RSPO3: variants seen among roughly 807,000 people sequenced by gnomAD.
RSPO3 encodes the protein R-spondin-3.
Under a neutral mutation model 36.5 loss-of-function variants are expected in RSPO3, and 17 were observed. The observed-to-expected ratio is 0.47, with a 90% confidence interval of 0.32 to 0.70. RSPO3 has a LOEUF of 0.70. RSPO3 is among the 30% of genes least tolerant of loss of function. RSPO3 has a pLI of 0.04. For synonymous variants in RSPO3, 108 were observed against 107.0 expected (o/e 1.01, Z -0.06); for missense variants, 294 against 322.5 (o/e 0.91, Z 0.68).
rs563364022 is a variant in RSPO3, at chr6:127,197,352, G to T, written c.*1345G>T. On this transcript the variant is annotated 3_prime_UTR_variant, in exon 5 of 5. Coordinates refer to ENST00000356698, the MANE Select transcript of RSPO3 (RefSeq NM_032784.5). The stretch of plus-strand genomic sequence containing the variant: ...TGCTTAGAAATGGGCATCATTTCTT[G>T]TATGTCAGATCCCCCTGCATCTTCA... 3.1e-5 allele frequency: 47 copies of T among 1,529,348 alleles called. No homozygotes were observed. The highest frequency in any genetic ancestry group is 3.6e-5 in the Non-Finnish European group (41 of 1,135,232). 94.7% of individuals were successfully genotyped at this position (1,529,348 alleles called of 1,614,324 possible).
At chr6:127,192,958 T>C (rs1185425455) in intron 4 of RSPO3, among the ~76,000 whole-genome samples, 1 of 152,206 alleles carries the variant, frequency 6.6e-6, no homozygotes, top group Non-Finnish European at 1.5e-5. Context: ...TGATTTTTAA[T>C]GGACTACAGC....
chr6:127,119,432 G>A (rs1368563879), intron 1 of RSPO3, 143 bp downstream of exon 1: 1 of 650,522 alleles, frequency 1.5e-6, no homozygotes, highest in South Asian at 1.9e-5. Flanking sequence ...GGGCTTTGGG[G>A]GTATGGACGG....
At chr6:127,155,211 G>A in intron 3 of RSPO3, 30 bp from the exon 4 acceptor site, 1 of 1,608,004 alleles carries the variant, frequency 6.2e-7, no homozygotes, top group Non-Finnish European at 8.5e-7. Flanking sequence ...TTGTAAGCCA[G>A]CTGAGTCTGT....
In RSPO3 at chr6:127,182,413, C is replaced by CT. The variant is rs201324380; in HGVS notation, c.635-13404dup. Among the ~76,000 whole-genome samples the CT allele has an allele frequency of 5.4e-3, 824 of 151,960 alleles. 6 individuals carry two copies. Among genetic ancestry groups the CT allele is most frequent in the African/African-American group, 0.018 (749 of 41,490 alleles). On this transcript the variant is annotated intron_variant, in intron 4 of 4. Transcript: ENST00000356698. ...TTTCAAGCTCTTTACCCCTTTAAAA[C>CT]TTTTTTCTATCTATTTCATCTGGCC...
intron 1 of RSPO3, among the ~76,000 whole-genome samples, chr6:127,129,557 C>T (rs1017305664): frequency 6.6e-6 from 1 of 152,062 alleles, no homozygotes; most frequent in Non-Finnish European, 1.5e-5. Context: ...ATTGCTCCAA[C>T]GTCAGACCTA....
intron 1 of RSPO3, 33 bp downstream of exon 1, chr6:127,119,322 TC>T (rs1773786199): frequency 6.6e-7 from 1 of 1,507,748 alleles, no homozygotes; most frequent in African/African-American, 1.4e-5. Context: ...GTTTGCTCCC[TC>T]CCGCCGCGTT....
Position 127,148,758 on chromosome 6 carries a change from A to C in RSPO3, c.208A>C (p.Met70Leu). 6.2e-7 allele frequency: 1 copy of C among 1,613,318 alleles called. No individual in the cohort carries two copies. Among genetic ancestry groups the C allele is most frequent in the Non-Finnish European group, 8.5e-7 (1 of 1,179,418 alleles). Residue 70 changes from methionine (M) to leucine (L), a missense_variant, in exon 2 of 5, where the codon ATG (methionine) becomes CTG (leucine). Physicochemically the swap from Met to Leu is conservative, Grantham distance 15. Transcript: ENST00000356698. ...RLFFALERIG[M>L]KQIGVCLSSC... ...ATTTTTTGCTCTGGAAAGAATTGGC[A>C]TGAAGCAGATTGGAGTATGTCTCTC...
At chr6:127,179,727 C>CTG (rs1265504224) in intron 4 of RSPO3, among the ~76,000 whole-genome samples, 3 of 151,840 alleles carry the variant, frequency 2.0e-5, no homozygotes, top group Non-Finnish European at 4.4e-5. Context: ...ATCAGTAAGG[C>CTG]TGTGTTCCTT....
chr6:127,188,439 A>T (rs1050065019), intron 4 of RSPO3, among the ~76,000 whole-genome samples: 9 of 152,106 alleles, frequency 5.9e-5, no homozygotes, highest in Non-Finnish European at 8.8e-5. Flanking sequence ...TTTTAAAGCT[A>T]TATAATTTTT....
intron 1 of RSPO3, among the ~76,000 whole-genome samples, chr6:127,147,224 C>T (rs1244252041): frequency 6.6e-6 from 1 of 152,156 alleles, no homozygotes; most frequent in African/African-American, 2.4e-5. Flanking sequence ...GTAACTAACC[C>T]GTGCACCCCT....
chr6:127,142,982 A>AT (rs34440525), intron 1 of RSPO3, among the ~76,000 whole-genome samples: 214 of 143,198 alleles, frequency 1.5e-3, no homozygotes, highest in Middle Eastern at 3.6e-3. Flanking sequence ...TGCCCAGCTA[A>AT]TTTTTTTTTT....
At chr6:127,182,601 C>G (rs780724745) in intron 4 of RSPO3, among the ~76,000 whole-genome samples, 5 of 151,922 alleles carry the variant, frequency 3.3e-5, no homozygotes, top group Admixed American at 2.0e-4. Flanking sequence ...TTTGCTTAAG[C>G]CTTTCCTGAG....
At chr6:127,143,530 T>G (rs1211300461) in intron 1 of RSPO3, among the ~76,000 whole-genome samples, 1 of 152,202 alleles carries the variant, frequency 6.6e-6, no homozygotes, top group Non-Finnish European at 1.5e-5. Context: ...ATTTGTGAAT[T>G]TATTAATTTT....
At chr6:127,167,907 A>G (rs926918406) in intron 4 of RSPO3, among the ~76,000 whole-genome samples, 51 of 151,942 alleles carry the variant, frequency 3.4e-4, no homozygotes, top group African/African-American at 1.2e-3. Context: ...GATGGTTTCC[A>G]GCTTCATCCA....
chr6:127,172,365 T>C (rs1774956310), intron 4 of RSPO3, among the ~76,000 whole-genome samples: 1 of 151,608 alleles, frequency 6.6e-6, no homozygotes, highest in Non-Finnish European at 1.5e-5. Flanking sequence ...ATCCTAATGT[T>C]CCATAGAGCC....
chr6:127,133,525 C>A (rs1774096069), intron 1 of RSPO3, among the ~76,000 whole-genome samples: 1 of 152,072 alleles, frequency 6.6e-6, no homozygotes, highest in Admixed American at 6.6e-5. Flanking sequence ...TATCTGAAAG[C>A]AGAAAACTGA....
chr6:127,162,678 A>G (rs1774731794), intron 4 of RSPO3, among the ~76,000 whole-genome samples: 1 of 152,138 alleles, frequency 6.6e-6, no homozygotes, highest in Non-Finnish European at 1.5e-5. Context: ...TTCATCATAG[A>G]TCTTATATTC....
intron 1 of RSPO3, among the ~76,000 whole-genome samples, chr6:127,123,136 C>A (rs1773877438): frequency 6.6e-6 from 1 of 152,092 alleles, no homozygotes; most frequent in Non-Finnish European, 1.5e-5. Context: ...CTGGTCATTG[C>A]TCATGACATT....
chr6:127,148,411 C>T (rs1414926649), intron 1 of RSPO3, among the ~76,000 whole-genome samples: 1 of 151,324 alleles, frequency 6.6e-6, no homozygotes, highest in Non-Finnish European at 1.5e-5. Context: ...TCCTTTGAGG[C>T]AGTATATTCT....
Sources: allele counts gnomAD v4.1 joint callset (sites outside exome capture counted in the v4.1 genomes callset), GRCh38; gene constraint gnomAD v4.1.1; transcripts MANE v1.5; gene names NCBI Gene and HGNC (gene_info 2026-07-23, HGNC 2026-07-21).